The following WDR49 variants were observed in gnomAD, a reference collection of about 807,000 sequenced individuals.
WDR49 encodes cilia- and flagella-associated protein 337.
Under a neutral mutation model 119.5 loss-of-function variants are expected in WDR49, and 107 were observed. The observed-to-expected ratio is 0.90, with a 90% CI of 0.77 to 1.05. The LOEUF (loss-of-function observed/expected upper bound fraction) is 1.05. Among genes scored for constraint, WDR49 ranks in the 50% least tolerant of loss-of-function variants. The probability of loss-of-function intolerance (pLI) is 0.00; values close to 1 mark genes in which losing one functional copy is unlikely to be tolerated. For missense variants in WDR49, 1,240 were observed against 1,220.5 expected (o/e 1.02, Z -0.24); for synonymous variants, 425 against 418.8 (o/e 1.01, Z -0.18).
At chr3:167,512,668 A>G (rs920696259) in intron 16 of WDR49, among the ~76,000 whole-genome samples, 1 of 152,242 alleles carries the variant, frequency 6.6e-6, no homozygotes, top group African/African-American at 2.4e-5. Flanking sequence ...TCACTGAGGT[A>G]AAAGAGTATG....
At chr3:167,630,146 G>A (rs762845413) in intron 2 of WDR49, among the ~76,000 whole-genome samples, 4 of 152,040 alleles carry the variant, frequency 2.6e-5, no homozygotes, top group African/African-American at 7.2e-5. Flanking sequence ...ATCCATCAAT[G>A]TGGGAAACTT....
chr3:167,480,068 CAA>C (rs2108184690), intron 18 of WDR49, among the ~76,000 whole-genome samples: 1 of 150,924 alleles, frequency 6.6e-6, no homozygotes, highest in East Asian at 2.0e-4. Context: ...CCGTCTCTAC[CAA>C]AAATACAAAA....
In WDR49 at chr3:167,565,169, T is replaced by C. The variant is rs71304641; in HGVS notation, c.1510-4941A>G. 3.7e-3 allele frequency among the ~76,000 whole-genome samples: 561 copies of C among 152,296 alleles called. 3 individuals are homozygous for C. The highest frequency in any genetic ancestry group is 5.9e-3 in the Non-Finnish European group (401 of 68,012). On this transcript the variant is annotated intron_variant, in intron 8 of 18. Coordinates refer to ENST00000682715, the MANE Select transcript of WDR49 (RefSeq NM_001366157.1). ...CAAATATTTTAGGGCAGCCATTCTT[T>C]AGTTATAAACCTTGCTTAGTGGATT...
intron 2 of WDR49, among the ~76,000 whole-genome samples, chr3:167,637,631 G>C (rs1717682609): frequency 6.6e-6 from 1 of 151,610 alleles, no homozygotes; most frequent in Non-Finnish European, 1.5e-5. Flanking sequence ...ATGAGCATGG[G>C]ATGTGTTTCC....
chr3:167,653,345 TACA>T lies in WDR49; in HGVS notation c.78_80del (p.Val27del). 1 of 1,536,180 alleles carries T rather than the reference TACA, an allele frequency of 6.5e-7. No individual in the cohort carries two copies. The highest frequency in any genetic ancestry group is 8.7e-7 in the Non-Finnish European group (1 of 1,146,890). On this transcript the variant is annotated inframe_deletion, in exon 2 of 19. Coordinates refer to ENST00000682715, the MANE Select transcript of WDR49 (RefSeq NM_001366157.1). ...CTGTGCCATAGTCTTCAAATGCAGT[TACA>T]CCTTCTGTTCTCTCAGGACTCTTTG... is the stretch of plus-strand genomic sequence containing the variant.
intron 8 of WDR49, among the ~76,000 whole-genome samples, chr3:167,569,680 C>CAA (rs199809894): frequency 0.03 from 2,878 of 96,670 alleles, 110 homozygotes; most frequent in African/African-American, 0.091. Flanking sequence ...CTGGACACAG[C>CAA]AAAAAAAAAA....
At chr3:167,601,987 A>G (rs1715792258) in intron 7 of WDR49, 140 bp downstream of exon 7, 1 of 1,091,582 alleles carries the variant, frequency 9.2e-7, no homozygotes, top group African/African-American at 1.6e-5. Flanking sequence ...TTCCAAATAT[A>G]GACTTCCAAA....
At chr3:167,596,593 C>A (rs1183205865) in intron 7 of WDR49, among the ~76,000 whole-genome samples, 3 of 148,808 alleles carry the variant, frequency 2.0e-5, no homozygotes, top group Admixed American at 2.0e-4. Flanking sequence ...AATTGGAAAT[C>A]ATCATTCTCA....
upstream of WDR49, among the ~76,000 whole-genome samples, chr3:167,656,078 T>C (rs935281210): frequency 6.6e-6 from 1 of 152,208 alleles, no homozygotes; most frequent in Non-Finnish European, 1.5e-5. Flanking sequence ...CACAGTGCTG[T>C]GTTCAGAGCA....
At chr3:167,577,253 G>T (rs1278505842) in intron 7 of WDR49, among the ~76,000 whole-genome samples, 3 of 152,154 alleles carry the variant, frequency 2.0e-5, no homozygotes, top group Non-Finnish European at 4.4e-5. Context: ...AAAACAGAAA[G>T]ATGAGCTTCA....
chr3:167,610,381 G>A (rs375027755), intron 5 of WDR49, among the ~76,000 whole-genome samples: 9 of 152,224 alleles, frequency 5.9e-5, no homozygotes, highest in African/African-American at 1.4e-4. Flanking sequence ...GGCCATTAGG[G>A]AACATCAACA....
intron 10 of WDR49, among the ~76,000 whole-genome samples, chr3:167,542,496 A>G (rs938307082): frequency 1.3e-5 from 2 of 152,152 alleles, no homozygotes; most frequent in Admixed American, 6.6e-5. Context: ...CCTCAAAACT[A>G]TACAAATACA....
In WDR49 at chr3:167,641,868, A is replaced by G. The variant is rs534857764; in HGVS notation, c.165+11393T>C. Among the ~76,000 whole-genome samples the G allele has an allele frequency of 3.9e-5, 6 of 152,124 alleles. No homozygotes were observed. The East Asian group carries it at 1.2e-3, about 29-fold the overall frequency. ...TCAACTTATATAGAGATACATTGTT[A>G]ATCAAATACAATTAAAATGCCACAG... On this transcript the variant is annotated intron_variant, in intron 2 of 18. Transcript: ENST00000682715.
intron 7 of WDR49, among the ~76,000 whole-genome samples, chr3:167,597,794 G>A (rs1301008972): frequency 6.6e-6 from 1 of 152,138 alleles, no homozygotes; most frequent in Non-Finnish European, 1.5e-5. Flanking sequence ...CCCCTTTGTT[G>A]TGGCCAATTT....
chr3:167,583,250 A>G (rs1372125019), intron 7 of WDR49, among the ~76,000 whole-genome samples: 1 of 152,128 alleles, frequency 6.6e-6, no homozygotes. Context: ...AACTCTTTAA[A>G]TTTTAAAATT....
At chr3:167,630,211 C>A (rs1446161671) in intron 2 of WDR49, among the ~76,000 whole-genome samples, 2 of 152,116 alleles carry the variant, frequency 1.3e-5, no homozygotes, top group Non-Finnish European at 2.9e-5. Context: ...TCAGCAACCA[C>A]CACCCTGATC....
intron 5 of WDR49, 86 bp downstream of exon 5, chr3:167,620,343 G>T: frequency 7.4e-7 from 1 of 1,356,702 alleles, no homozygotes; most frequent in African/African-American, 1.5e-5. Context: ...AGACTTAAAG[G>T]TTTTGTGTGA....
intron 7 of WDR49, among the ~76,000 whole-genome samples, chr3:167,596,253 C>T (rs796739153): frequency 0.035 from 5,273 of 151,142 alleles, 196 homozygotes; most frequent in African/African-American, 0.085. Context: ...GAAATAGGAA[C>T]GCTTTTACAC....
intron 17 of WDR49, among the ~76,000 whole-genome samples, chr3:167,503,717 C>G (rs1296598171): frequency 6.6e-6 from 1 of 152,160 alleles, no homozygotes; most frequent in Non-Finnish European, 1.5e-5. Flanking sequence ...AGGTGGCCAG[C>G]AGCAGTGGTG....
Sources: gnomAD v4.1 joint callset for allele counts (sites outside exome capture counted in the v4.1 genomes callset) on GRCh38, gnomAD v4.1.1 for gene constraint, MANE v1.5 for transcripts, NCBI Gene and HGNC (gene_info 2026-07-23, HGNC 2026-07-21) for gene names.